Variants in SESTD1 observed in about 807,000 individuals in gnomAD.
The protein encoded by SESTD1 is SEC14 domain and spectrin repeat-containing protein 1.
SESTD1 carries 43 observed loss-of-function variants against 101.7 expected under a neutral mutation model. The ratio of observed to expected loss-of-function variants is 0.42; its 90% CI spans 0.33 to 0.55. The LOEUF is 0.55. Among genes scored for constraint, SESTD1 ranks in the 20% least tolerant of loss-of-function variants. The pLI, the probability that SESTD1 is intolerant of heterozygous loss-of-function variation, is 0.07. For synonymous variants in SESTD1, 283 were observed against 286.8 expected (o/e 0.99, Z 0.13); for missense variants, 647 against 815.1 (o/e 0.79, Z 2.51).
chr2:179,235,641 C>T (rs2047055151), intron 1 of SESTD1, among the ~76,000 whole-genome samples: 1 of 152,150 alleles, frequency 6.6e-6, no homozygotes, highest in African/African-American at 2.4e-5. Flanking sequence ...AGCACTATTG[C>T]CTCAATTACC....
chr2:179,196,386 G>A (rs1005643804), intron 1 of SESTD1, among the ~76,000 whole-genome samples: 19 of 152,186 alleles, frequency 1.2e-4, no homozygotes, highest in African/African-American at 4.6e-4. Flanking sequence ...GGAGAGGGGC[G>A]CCAGCCATTG....
At chr2:179,242,489 A>C (rs2047169284) in intron 1 of SESTD1, among the ~76,000 whole-genome samples, 1 of 151,566 alleles carries the variant, frequency 6.6e-6, no homozygotes, top group South Asian at 2.1e-4. Flanking sequence ...GGAACCAAAA[A>C]ACGACCCAAG....
intron 1 of SESTD1, among the ~76,000 whole-genome samples, chr2:179,259,838 T>G (rs1456643510): frequency 7.2e-5 from 11 of 152,356 alleles, no homozygotes; most frequent in Admixed American, 6.5e-4. Context: ...AGAAATTAAC[T>G]TGTCCACAGT....
rs1443211176 is a variant in SESTD1, at chr2:179,229,815, AC to A, written c.-26+34683del. On this transcript the variant is annotated intron_variant, in intron 1 of 17. Coordinates refer to ENST00000428443, the MANE Select transcript of SESTD1 (RefSeq NM_178123.5). Reference sequence around the variant, plus strand: ...CACACACACACACACACACACACACACAACCCTACTTGAGAAACACAAAATC... The same window carrying A: ...CACACACACACACACACACACACACAAACCCTACTTGAGAAACACAAAATC... 1.6e-3 allele frequency among the ~76,000 whole-genome samples: 223 copies of A among 139,976 alleles called. 1 individual carries two copies. The highest frequency in any genetic ancestry group is 5.6e-3 in the African/African-American group (210 of 37,582). The allele number at this position is 139,976 out of a possible 152,430, so 91.8% of individuals were successfully genotyped here.
intron 1 of SESTD1, among the ~76,000 whole-genome samples, chr2:179,221,901 C>T (rs185266663): frequency 9.8e-4 from 149 of 151,648 alleles, no homozygotes; most frequent in Non-Finnish European, 1.8e-3. Flanking sequence ...GCCTGGGTGA[C>T]GGAGTTAGAC....
At chr2:179,116,281 A>T (rs922370592) in intron 15 of SESTD1, among the ~76,000 whole-genome samples, 4 of 147,648 alleles carry the variant, frequency 2.7e-5, no homozygotes, top group Non-Finnish European at 4.4e-5. Context: ...CTTAAAAAAA[A>T]AAAAAAAGAC....
intron 1 of SESTD1, among the ~76,000 whole-genome samples, chr2:179,244,736 AG>A (rs1162682943): frequency 6.6e-6 from 1 of 152,238 alleles, no homozygotes; most frequent in African/African-American, 2.4e-5. Context: ...AAACAAAAAA[AG>A]GTAGTTAAGC....
intron 10 of SESTD1, among the ~76,000 whole-genome samples, chr2:179,126,051 C>T (rs2044866382): frequency 6.6e-6 from 1 of 152,140 alleles, no homozygotes; most frequent in South Asian, 2.1e-4. Flanking sequence ...ATTATTTCCA[C>T]CAGCATATAA....
chr2:179,162,883 C>G (rs2045764546), intron 5 of SESTD1, among the ~76,000 whole-genome samples: 1 of 149,900 alleles, frequency 6.7e-6, no homozygotes, highest in African/African-American at 2.5e-5. Flanking sequence ...CTCAGCTACT[C>G]AGGAGGCTGA....
intron 10 of SESTD1, 38 bp downstream of exon 10, chr2:179,132,266 T>C (rs201556794): frequency 4.6e-6 from 7 of 1,517,014 alleles, no homozygotes; most frequent in Admixed American, 5.3e-5. Flanking sequence ...CCCACGTTCA[T>C]AATATCATTG....
intron 1 of SESTD1, among the ~76,000 whole-genome samples, chr2:179,239,484 T>C (rs1047864750): frequency 2.6e-5 from 4 of 152,154 alleles, no homozygotes; most frequent in Non-Finnish European, 5.9e-5. Flanking sequence ...ACTTTAAAAG[T>C]GACTGAAACC....
intron 13 of SESTD1, among the ~76,000 whole-genome samples, chr2:179,119,060 A>G (rs1340425459): frequency 6.6e-6 from 1 of 152,230 alleles, no homozygotes; most frequent in Non-Finnish European, 1.5e-5. Flanking sequence ...ATAGAAGATA[A>G]AATTATGCAA....
chr2:179,173,893 C>T (rs892390635), intron 4 of SESTD1, among the ~76,000 whole-genome samples: 1 of 152,050 alleles, frequency 6.6e-6, no homozygotes, highest in East Asian at 1.9e-4. Flanking sequence ...CCATAAATTG[C>T]AGCACTGAAT....
chr2:179,118,130 C>T (rs562530629), intron 13 of SESTD1, among the ~76,000 whole-genome samples: 1 of 151,984 alleles, frequency 6.6e-6, no homozygotes, highest in South Asian at 2.1e-4. Flanking sequence ...ATCACTATGC[C>T]CAGCTAAAGA....
At chr2:179,188,136 C>T (rs2046262349) in intron 2 of SESTD1, among the ~76,000 whole-genome samples, 1 of 152,164 alleles carries the variant, frequency 6.6e-6, no homozygotes, top group Admixed American at 6.5e-5. Flanking sequence ...ACATTCTTCT[C>T]ATCTGCATAT....
Position 179,119,460 on chromosome 2 carries a change from T to C in SESTD1, c.1443-1847A>G, listed in dbSNP as rs550041158. Among the ~76,000 whole-genome samples the C allele has an allele frequency of 1.6e-4, 25 of 152,314 alleles. No homozygotes were observed. The South Asian group carries it at 5.2e-3, about 32-fold the overall frequency. On this transcript the variant is annotated intron_variant, in intron 13 of 17. Coordinates refer to ENST00000428443, the MANE Select transcript of SESTD1 (RefSeq NM_178123.5). ...ATCTGGTTTGGATCTGGGTTTTGGA[T>C]TTGTGTCCCCACTTAAATCTAACAT...
At chr2:179,246,205 A>G (rs933949299) in intron 1 of SESTD1, among the ~76,000 whole-genome samples, 4 of 151,340 alleles carry the variant, frequency 2.6e-5, no homozygotes, top group African/African-American at 4.9e-5. Context: ...CAGTGAGCCA[A>G]GATCATGCCA....
intron 5 of SESTD1, among the ~76,000 whole-genome samples, chr2:179,153,641 A>C (rs1265299344): frequency 6.6e-6 from 1 of 152,184 alleles, no homozygotes; most frequent in African/African-American, 2.4e-5. Flanking sequence ...TCTCATAAAA[A>C]AGAATCAGGT....
chr2:179,148,027 C>T (rs372537788), intron 7 of SESTD1, among the ~76,000 whole-genome samples: 60 of 152,262 alleles, frequency 3.9e-4, no homozygotes, highest in South Asian at 1.0e-3. Context: ...CATTTTTATA[C>T]GGCATCTGTA....
Sources: allele counts gnomAD v4.1 joint callset (sites outside exome capture counted in the v4.1 genomes callset), GRCh38; gene constraint gnomAD v4.1.1; transcripts MANE v1.5; gene names NCBI Gene and HGNC (gene_info 2026-07-23, HGNC 2026-07-21).